Variants in ITIH2 observed in about 807,000 individuals in gnomAD.
ITIH2 encodes the protein inter-alpha-trypsin inhibitor heavy chain 2.
Under a neutral mutation model 104.4 loss-of-function variants are expected in ITIH2, and 103 were observed. That is an observed-to-expected ratio of 0.99 (90% CI 0.84 to 1.16). The LOEUF (loss-of-function observed/expected upper bound fraction) is 1.16, where lower values mean the gene tolerates loss of function less well. ITIH2 is among the 50% of genes most tolerant of loss of function. ITIH2 has a pLI of 0.00. For missense variants in ITIH2, 1,108 were observed against 1,162.4 expected (o/e 0.95, Z 0.68); for synonymous variants, 436 against 435.4 (o/e 1.00, Z -0.02).
chr10:7,729,609 TG>T (rs1834982673), intron 11 of ITIH2, among the ~76,000 whole-genome samples: 1 of 152,210 alleles, frequency 6.6e-6, no homozygotes. Flanking sequence ...TGAGATTGTC[TG>T]GTATACATAC....
intron 10 of ITIH2, 74 bp downstream of exon 10, chr10:7,727,192 T>C (rs1337360772): frequency 1.6e-6 from 2 of 1,277,384 alleles, no homozygotes; most frequent in East Asian, 4.9e-5. Flanking sequence ...AGAAGCATTA[T>C]TCCCATCACA....
At chr10:7,748,838 G>A (rs1252098555) in intron 20 of ITIH2, among the ~76,000 whole-genome samples, 1 of 152,044 alleles carries the variant, frequency 6.6e-6, no homozygotes, top group Admixed American at 6.6e-5. Flanking sequence ...GAGCCACCAT[G>A]CCTGGCTGCT....
intron 4 of ITIH2, among the ~76,000 whole-genome samples, chr10:7,709,647 G>T (rs1834778061): frequency 6.6e-6 from 1 of 152,078 alleles, no homozygotes; most frequent in Non-Finnish European, 1.5e-5. Flanking sequence ...GCTGACAAGT[G>T]TGTGATGATT....
intron 16 of ITIH2, among the ~76,000 whole-genome samples, chr10:7,739,988 C>G (rs74902547): frequency 0.023 from 3,541 of 152,266 alleles, 58 homozygotes; most frequent in South Asian, 0.079. Flanking sequence ...GAGTTCGAAT[C>G]CAGCCTGGCC....
At chr10:7,716,055 G>A (rs1049531262) in intron 5 of ITIH2, among the ~76,000 whole-genome samples, 1 of 151,528 alleles carries the variant, frequency 6.6e-6, no homozygotes, top group South Asian at 2.1e-4. Flanking sequence ...GAGAGACAGG[G>A]CTCACTGCAA....
rs1834755126 is a variant in ITIH2, at chr10:7,707,186, A to G, written c.160-15A>G. On this transcript the variant is annotated splice_polypyrimidine_tract_variant and intron_variant, in intron 2 of 20. Transcript: ENST00000358415. ...ACATACAGTTGAAGAATGATTGTCT[A>G]ACTTCCTTTCACAGAGAAGCCTTCC... 1 of 1,593,914 alleles carries G rather than the reference A, an allele frequency of 6.3e-7. No individual in the cohort carries two copies. Among genetic ancestry groups the G allele is most frequent in the Non-Finnish European group, 8.6e-7 (1 of 1,163,360 alleles).
intron 4 of ITIH2, among the ~76,000 whole-genome samples, chr10:7,709,521 T>G (rs1834776879): frequency 1.3e-5 from 2 of 152,028 alleles, no homozygotes; most frequent in African/African-American, 4.8e-5. Flanking sequence ...TAAGAGCGTG[T>G]GCACAGCAGG....
chr10:7,721,077 G>T (rs1267770588), intron 7 of ITIH2, 114 bp downstream of exon 7: 5 of 690,732 alleles, frequency 7.2e-6, no homozygotes, highest in Non-Finnish European at 1.3e-5. Flanking sequence ...GGACACTGTT[G>T]AAGAAATGGG....
intron 15 of ITIH2, among the ~76,000 whole-genome samples, chr10:7,737,655 A>T (rs1385328495): frequency 5.3e-5 from 4 of 75,448 alleles, no homozygotes; most frequent in Non-Finnish European, 6.5e-5. Flanking sequence ...ATTCTATATT[A>T]TATTCTATAT....
rs1381331058 is a variant in ITIH2 at position 7,738,754 on chromosome 10, G to A, written c.2091G>A (p.Met697Ile). Residue 697 changes from methionine to isoleucine, a missense_variant, in exon 16 of 21, where the codon ATG (methionine) becomes ATA (isoleucine). By Grantham distance (10) the Met-to-Ile change is conservative. Transcript: ENST00000358415. ...AGTCCACGCCACCCCCACATGTGAT[G>A]AGAGGTAACGCTTCTACACTGCTTG... The part of the protein sequence containing the change: ...VLESTPPPHV[M>I]RVENDPHFII... The A allele has an allele frequency of 6.2e-7, 1 of 1,608,032 alleles. No homozygotes were observed. The highest frequency in any genetic ancestry group is 1.7e-5 in the Admixed American group (1 of 59,360).
intron 17 of ITIH2, among the ~76,000 whole-genome samples, chr10:7,743,809 A>G (rs1835149080): frequency 1.3e-5 from 2 of 152,084 alleles, no homozygotes; most frequent in Admixed American, 1.3e-4. Flanking sequence ...TTTAAATACT[A>G]TATGATAGTC....
chr10:7,707,070 C>T, intron 2 of ITIH2, 131 bp from the exon 3 acceptor site: 1 of 524,142 alleles, frequency 1.9e-6, no homozygotes. Flanking sequence ...TATGTCTCAA[C>T]TCCAGTGAAT....
chr10:7,714,163 C>CTCTTTTTTT (rs1564298974), intron 5 of ITIH2, among the ~76,000 whole-genome samples: 3 of 125,642 alleles, frequency 2.4e-5, no homozygotes, highest in African/African-American at 1.0e-4. Context: ...TGCACACTCA[C>CTCTTTTTTT]TATTTTTTTT....
At chr10:7,733,422 T>A (rs552828757) in intron 14 of ITIH2, among the ~76,000 whole-genome samples, 21 of 152,218 alleles carry the variant, frequency 1.4e-4, no homozygotes, top group Non-Finnish European at 1.8e-4. Flanking sequence ...AAATGGCTTC[T>A]TGTCCAAAGA....
At position 7,707,246 on chromosome 10, in the gene ITIH2, G is replaced by C. The variant is rs1588448954; in HGVS notation, c.192+13G>C. The C allele has an allele frequency of 3.8e-6, 6 of 1,586,466 alleles. 1 individual carries two copies. The Admixed American group carries it at 1.0e-4, about 27-fold the overall frequency. Reference sequence around the variant, plus strand: ...GGAAGAAATGATGGTAAGTTGACTTGATGTTGTTACAGATTGAATGATTTT... The same window carrying C: ...GGAAGAAATGATGGTAAGTTGACTTCATGTTGTTACAGATTGAATGATTTT... On this transcript the variant is annotated intron_variant, in intron 3 of 20. Transcript: ENST00000358415.
At chr10:7,733,682 A>G (rs1371255816) in intron 14 of ITIH2, among the ~76,000 whole-genome samples, 2 of 152,192 alleles carry the variant, frequency 1.3e-5, no homozygotes, top group African/African-American at 2.4e-5. Flanking sequence ...CATGAAAACT[A>G]TATCCCCAGA....
intron 5 of ITIH2, among the ~76,000 whole-genome samples, chr10:7,714,408 G>A (rs1436863609): frequency 2.6e-5 from 4 of 151,986 alleles, no homozygotes; most frequent in East Asian, 1.9e-4. Context: ...TCCTGACCTC[G>A]TGATCCGCCC....
intron 15 of ITIH2, among the ~76,000 whole-genome samples, chr10:7,735,579 G>T (rs1835046838): frequency 6.6e-6 from 1 of 151,772 alleles, no homozygotes; most frequent in African/African-American, 2.4e-5. Context: ...ATTTCTATAT[G>T]CAACTAACAT....
intron 7 of ITIH2, 76 bp downstream of exon 7, chr10:7,721,039 GGAGAA>G (rs1426545774): frequency 1.0e-6 from 1 of 952,390 alleles, no homozygotes; most frequent in Non-Finnish European, 1.7e-6. Context: ...TCTGTGCTCT[GGAGAA>G]GAGAAAAGCA....
Sources: allele counts gnomAD v4.1 joint callset (sites outside exome capture counted in the v4.1 genomes callset), GRCh38; gene constraint gnomAD v4.1.1; transcripts MANE v1.5; gene names NCBI Gene and HGNC (gene_info 2026-07-23, HGNC 2026-07-21).